The following TUSC3 variants were observed in gnomAD, a reference collection of about 807,000 sequenced individuals.
TUSC3 encodes tumor suppressor candidate 3, also known as dolichyl-diphosphooligosaccharide--protein glycosyltransferase subunit TUSC3.
In TUSC3, 45 loss-of-function variants were observed where a neutral mutation model predicts 44.8. That is an observed-to-expected ratio of 1.00 (90% CI 0.79 to 1.29). The LOEUF is 1.29. Ranked by LOEUF, TUSC3 falls within the 50% of genes most tolerant of loss-of-function variation. TUSC3 has a pLI of 0.00. For missense variants in TUSC3, 519 were observed against 437.9 expected, an observed-to-expected ratio of 1.19 and a Z score of -1.65; for synonymous variants, 212 against 152.9, an observed-to-expected ratio of 1.39 and a Z score of -2.85.
chr8:15,716,428 G>C (rs1189130947), intron 6 of TUSC3, among the ~76,000 whole-genome samples: 1 of 151,938 alleles, frequency 6.6e-6, no homozygotes, highest in African/African-American at 2.4e-5. Flanking sequence ...GTGTTTGCAA[G>C]TCAGTGTAAC....
At chr8:15,729,177 C>G (rs1398478235) in intron 6 of TUSC3, among the ~76,000 whole-genome samples, 1 of 152,146 alleles carries the variant, frequency 6.6e-6, no homozygotes, top group African/African-American at 2.4e-5. Flanking sequence ...CCATATTATC[C>G]TGTACTGTTA....
intron 1 of TUSC3, among the ~76,000 whole-genome samples, chr8:15,547,502 C>T (rs17577377): frequency 0.17 from 25,263 of 150,566 alleles, 2,792 homozygotes; most frequent in Non-Finnish European, 0.22. Flanking sequence ...ACTTGGTGGT[C>T]GATAATAAGG....
chr8:15,420,356 G>A (rs974656248), intron 1 of TUSC3, among the ~76,000 whole-genome samples: 6 of 151,956 alleles, frequency 3.9e-5, no homozygotes, highest in African/African-American at 7.2e-5. Flanking sequence ...AAAATTAGCC[G>A]GGCATGGTGG....
chr8:15,734,019 G>A (rs902720009), intron 7 of TUSC3, among the ~76,000 whole-genome samples: 2 of 152,120 alleles, frequency 1.3e-5, no homozygotes. Context: ...CTTGAATCTG[G>A]GCGATAGAGT....
intron 1 of TUSC3, among the ~76,000 whole-genome samples, chr8:15,616,524 C>T (rs968461997): frequency 2.0e-5 from 3 of 152,300 alleles, no homozygotes; most frequent in South Asian, 2.1e-4. Flanking sequence ...TTGTAATTTG[C>T]GGAGATAGCA....
At chr8:15,758,263 T>C in intron 10 of TUSC3, 4 of 983,960 alleles carry the variant, frequency 4.1e-6, no homozygotes, top group Admixed American at 6.0e-5. Flanking sequence ...TAATAAAAAA[T>C]ACAAGTCTTC....
At chr8:15,766,697 G>C (rs974819276), downstream of TUSC3, 5 of 152,018 alleles carry the variant, frequency 3.3e-5, 1 homozygote, top group Non-Finnish European at 7.4e-5. Context: ...AACATCCCTT[G>C]TCAATTACAA....
At chr8:15,623,283 TTATTCTTGG>T in intron 2 of TUSC3, 34 bp downstream of exon 2, 3 of 1,532,986 alleles carry the variant, frequency 2.0e-6, no homozygotes, top group Non-Finnish European at 2.6e-6. Context: ...TTAAAAACTA[TTATTCTTGG>T]TTTACATATA....
chr8:15,839,575 C>G, the TUSC3 span, among the ~76,000 whole-genome samples: 1,663 of 152,234 alleles, frequency 0.011, 15 homozygotes, highest in Middle Eastern at 0.024. Context: ...AGGATATGAA[C>G]AGACATTTCT....
the TUSC3 span, among the ~76,000 whole-genome samples, chr8:15,824,668 T>C: frequency 6.6e-6 from 1 of 151,864 alleles, no homozygotes; most frequent in East Asian, 1.9e-4. Flanking sequence ...AAATGACGAG[T>C]TAATGGGTGC....
intron 1 of TUSC3, among the ~76,000 whole-genome samples, chr8:15,543,742 T>G (rs1801768508): frequency 6.7e-6 from 1 of 149,742 alleles, no homozygotes; most frequent in Non-Finnish European, 1.5e-5. Flanking sequence ...TTGAATTGGT[T>G]TTTTTTTTTT....
the TUSC3 span, among the ~76,000 whole-genome samples, chr8:15,778,632 TTATG>T: frequency 6.6e-6 from 1 of 152,172 alleles, no homozygotes; most frequent in African/African-American, 2.4e-5. Context: ...TCATGATTCT[TTATG>T]TATCACTTAG....
chr8:15,667,770 T>C lies in TUSC3; in HGVS notation c.708+5474T>C, dbSNP rs192303869. 9.2e-5 allele frequency among the ~76,000 whole-genome samples: 14 copies of C among 151,888 alleles called. No homozygotes were observed. In the East Asian group the frequency reaches 2.1e-3, roughly 23 times the overall value. The stretch of plus-strand genomic sequence containing the variant: ...GAAAGCATGTAATAGTTATTTTTCT[T>C]TTTTTAAATACAATGTGAAATGTTT... On this transcript the variant is annotated intron_variant, in intron 5 of 10. Transcript: ENST00000503731.
chr8:15,514,184 C>T (rs1801179935), intron 2 of TUSC3, among the ~76,000 whole-genome samples: 1 of 152,016 alleles, frequency 6.6e-6, no homozygotes, highest in Non-Finnish European at 1.5e-5. Context: ...GTGTTGTGCT[C>T]TAGTAATTAC....
chr8:15,671,427 A>C (rs571919599), intron 5 of TUSC3, among the ~76,000 whole-genome samples: 1 of 152,070 alleles, frequency 6.6e-6, no homozygotes, highest in Non-Finnish European at 1.5e-5. Context: ...AAAAGGATGC[A>C]TCAGTTATGA....
chr8:15,633,068 G>C (rs1342308068), intron 2 of TUSC3, among the ~76,000 whole-genome samples: 1 of 152,158 alleles, frequency 6.6e-6, no homozygotes, highest in Non-Finnish European at 1.5e-5. Context: ...CTTTTTAGTA[G>C]AGCTAAGGGA....
chr8:15,769,878 C>T (rs1320012320), downstream of TUSC3, among the ~76,000 whole-genome samples: 2 of 152,146 alleles, frequency 1.3e-5, no homozygotes, highest in Admixed American at 6.5e-5. Flanking sequence ...TACCATCTCT[C>T]GCCAGTTAGA....
intron 6 of TUSC3, among the ~76,000 whole-genome samples, chr8:15,693,144 G>A (rs976887492): frequency 2.0e-5 from 3 of 152,132 alleles, no homozygotes; most frequent in Non-Finnish European, 4.4e-5. Context: ...GGGGCATTTA[G>A]CCTGTTTACA....
rs1438216200 is a variant in TUSC3 at position 15,551,041 on chromosome 8, CTG to C, written c.138+10477_138+10478del. 3.3e-5 allele frequency among the ~76,000 whole-genome samples: 5 copies of C among 151,682 alleles called. No individual in the cohort carries two copies. The East Asian group carries it at 5.8e-4, about 18-fold the overall frequency. On this transcript the variant is annotated intron_variant, in intron 1 of 10. Coordinates refer to ENST00000503731, the MANE Select transcript of TUSC3 (RefSeq NM_006765.4). Reference sequence around the variant, plus strand: ...GATTCTAGTTCCTTTGATTTAAACTCTGTGTTCTTGGGAAAGTCACTTAACCG... The same window carrying C: ...GATTCTAGTTCCTTTGATTTAAACTCTGTTCTTGGGAAAGTCACTTAACCG...
Sources: gnomAD v4.1 joint callset for allele counts (sites outside exome capture counted in the v4.1 genomes callset) on GRCh38, gnomAD v4.1.1 for gene constraint, MANE v1.5 for transcripts, NCBI Gene and HGNC (gene_info 2026-07-23, HGNC 2026-07-21) for gene names.